Variants in SLC6A6 observed in about 807,000 individuals in gnomAD.
SLC6A6 encodes the protein solute carrier family 6 member 6.
Under a neutral mutation model 68.8 loss-of-function variants are expected in SLC6A6, and 16 were observed. The observed-to-expected ratio is 0.23, with a 90% CI of 0.16 to 0.35. The LOEUF (loss-of-function observed/expected upper bound fraction) is 0.35, where lower values mean the gene tolerates loss of function less well. Among genes scored for constraint, SLC6A6 ranks in the 10% least tolerant of loss-of-function variants. The pLI is 1.00. For synonymous variants in SLC6A6, 312 were observed against 315.4 expected, an observed-to-expected ratio of 0.99 and a Z score of 0.12; for missense variants, 474 against 802.8, an observed-to-expected ratio of 0.59 and a Z score of 4.95.
chr3:14,441,495 C>A (rs1038106150), intron 2 of SLC6A6, among the ~76,000 whole-genome samples: 19 of 152,148 alleles, frequency 1.2e-4, no homozygotes, highest in African/African-American at 4.1e-4. Flanking sequence ...AGGAAGGGCT[C>A]CATGAGCTGC....
chr3:14,423,643 A>G (rs1699530843), intron 2 of SLC6A6, among the ~76,000 whole-genome samples: 3 of 152,144 alleles, frequency 2.0e-5, no homozygotes, highest in South Asian at 4.1e-4. Flanking sequence ...TCAAGAGAAT[A>G]GTATTTGGTG....
At chr3:14,453,767 G>T (rs1199013464) in intron 5 of SLC6A6, among the ~76,000 whole-genome samples, 1 of 152,240 alleles carries the variant, frequency 6.6e-6, no homozygotes, top group Non-Finnish European at 1.5e-5. Flanking sequence ...TTTACAGAGG[G>T]TGGCCAGGAA....
intron 1 of SLC6A6, among the ~76,000 whole-genome samples, chr3:14,412,084 C>G (rs1699263715): frequency 6.6e-6 from 1 of 152,200 alleles, no homozygotes. Flanking sequence ...AAGGGAAATA[C>G]CTTCTGAATA....
chr3:14,484,531 G>C (rs904970588), intron 14 of SLC6A6, among the ~76,000 whole-genome samples: 2 of 152,198 alleles, frequency 1.3e-5, no homozygotes, highest in Non-Finnish European at 2.9e-5. Flanking sequence ...ATCAGAGGGA[G>C]AGAATCACAG....
chr3:14,467,265 C>T (rs1189726738), intron 7 of SLC6A6, among the ~76,000 whole-genome samples: 1 of 152,188 alleles, frequency 6.6e-6, no homozygotes, highest in Non-Finnish European at 1.5e-5. Flanking sequence ...CTGGACAGGA[C>T]ACAGTTGTGA....
intron 4 of SLC6A6, among the ~76,000 whole-genome samples, chr3:14,447,207 C>G (rs1299318510): frequency 6.6e-6 from 1 of 150,672 alleles, no homozygotes; most frequent in Non-Finnish European, 1.5e-5. Context: ...ATCTATTTAT[C>G]TCATCTATTC....
chr3:14,479,360 G>C (rs777948367), intron 13 of SLC6A6, among the ~76,000 whole-genome samples, 175 bp downstream of exon 13: 3 of 152,352 alleles, frequency 2.0e-5, no homozygotes, highest in Non-Finnish European at 4.4e-5. Context: ...AGCTTGAGTT[G>C]AGTTTTGAAG....
Position 14,481,858 on chromosome 3 carries a change from A to G in SLC6A6, c.1722+17A>G. On this transcript the variant is annotated intron_variant, in intron 14 of 14. Coordinates refer to ENST00000622186, the MANE Select transcript of SLC6A6 (RefSeq NM_003043.6). This position sits in a 1 kb window ranked among gnomAD's most constrained non-coding sequence, Gnocchi z 4.7. ...TTCCTTGTGGTAAGTGCTTGGGCCC[A>G]GGGCCAGGGGAGGTGGGAGGCGCGA... 2 of 1,611,098 alleles carry G rather than the reference A, an allele frequency of 1.2e-6. No homozygotes were observed. Among genetic ancestry groups the G allele is most frequent in the East Asian group, 2.2e-5 (1 of 44,802 alleles).
intron 2 of SLC6A6, among the ~76,000 whole-genome samples, chr3:14,426,380 G>T (rs73132920): frequency 0.016 from 2,493 of 152,236 alleles, 57 homozygotes; most frequent in African/African-American, 0.056. Context: ...AAAATACTGC[G>T]TCCACCTGCT....
At chr3:14,408,318 GAC>G (rs905060583) in intron 1 of SLC6A6, among the ~76,000 whole-genome samples, 4 of 151,816 alleles carry the variant, frequency 2.6e-5, no homozygotes, top group Non-Finnish European at 5.9e-5. Flanking sequence ...CTGCCTGATT[GAC>G]AGTCTATCAT....
intron 5 of SLC6A6, among the ~76,000 whole-genome samples, chr3:14,452,220 C>G (rs1438668745): frequency 1.3e-5 from 2 of 152,198 alleles, no homozygotes; most frequent in Non-Finnish European, 2.9e-5. Context: ...CAAAGCTCAA[C>G]TCTGGCTCCC....
Position 14,468,494 on chromosome 3 carries a change from C to CCGTCCTT in SLC6A6, c.1096+284_1096+290dup, listed in dbSNP as rs1308236843. Among the ~76,000 whole-genome samples the CCGTCCTT allele has an allele frequency of 6.6e-6, 1 of 152,118 alleles. No individual in the cohort carries two copies. The highest frequency in any genetic ancestry group is 1.5e-5 in the Non-Finnish European group (1 of 68,016). ...CCTTAGTGTGGTCTTCCCCGCCCCC[C>CCGTCCTT]CGTCCTTCCCCAGCAAACTCCTGGT... On this transcript the variant is annotated intron_variant, in intron 9 of 14. Coordinates refer to ENST00000622186, the MANE Select transcript of SLC6A6 (RefSeq NM_003043.6). The surrounding 1 kb of genome is among the most constrained non-coding windows in gnomAD (Gnocchi z 4.5).
intron 7 of SLC6A6, among the ~76,000 whole-genome samples, chr3:14,467,229 G>A (rs1174540141): frequency 6.6e-6 from 1 of 152,200 alleles, no homozygotes; most frequent in Non-Finnish European, 1.5e-5. Flanking sequence ...AAGGGCCTGT[G>A]CTCTCCTTCC....
chr3:14,406,874 G>C (rs1187816960), intron 1 of SLC6A6, among the ~76,000 whole-genome samples: 1 of 152,228 alleles, frequency 6.6e-6, no homozygotes, highest in East Asian at 1.9e-4. Context: ...AAAGAGTGGG[G>C]AGGGAATGAT....
chr3:14,441,888 G>A (rs568869870), intron 2 of SLC6A6, among the ~76,000 whole-genome samples: 27 of 152,388 alleles, frequency 1.8e-4, no homozygotes, highest in African/African-American at 5.8e-4. Context: ...CAGGCATGGC[G>A]CCTGGCTCTG....
rs552125882 is a variant in SLC6A6 at position 14,442,380 on chromosome 3, G to A, written c.-11-1244G>A. Among the ~76,000 whole-genome samples the A allele has an allele frequency of 1.8e-3, 274 of 152,320 alleles. 16 individuals are homozygous for A. The South Asian group carries it at 0.054, about 30-fold the overall frequency. On this transcript the variant is annotated intron_variant, in intron 2 of 14. Transcript: ENST00000622186. The stretch of plus-strand genomic sequence containing the variant: ...GGGAAACTGATGCTCAGAGAGGGGC[G>A]AGTAGGCCTAGTAGCTCTGGTTTTC...
chr3:14,409,293 G>T (rs1020626319), intron 1 of SLC6A6, among the ~76,000 whole-genome samples: 3 of 152,216 alleles, frequency 2.0e-5, no homozygotes, highest in Admixed American at 6.5e-5. Context: ...CCCCAGTGCT[G>T]CCAGCTCAGT....
At chr3:14,417,447 C>T (rs1415368435) in intron 2 of SLC6A6, among the ~76,000 whole-genome samples, 1 of 151,692 alleles carries the variant, frequency 6.6e-6, no homozygotes, top group African/African-American at 2.4e-5. Flanking sequence ...AAGAGCAAGG[C>T]CAGGCCGGGC....
rs185120430 is a variant in SLC6A6, at chr3:14,481,928, G to C, written c.1722+87G>C. The C allele has an allele frequency of 8.9e-7, 1 of 1,119,428 alleles. No homozygotes were observed. Among genetic ancestry groups the C allele is most frequent in the East Asian group, 2.5e-5 (1 of 40,484 alleles). The allele number at this position is 1,119,428 out of a possible 1,614,324, so 69.3% of individuals were successfully genotyped here. ...CAGTTTGCTGCGTGATCTCAGGCAA[G>C]TCACCTGCCCTCTCTGAGCCATAGT... On this transcript the variant is annotated intron_variant, in intron 14 of 14. Transcript: ENST00000622186. This position sits in a 1 kb window ranked among gnomAD's most constrained non-coding sequence, Gnocchi z 4.7.
Sources: gnomAD v4.1 joint callset for allele counts (sites outside exome capture counted in the v4.1 genomes callset) on GRCh38, gnomAD v4.1.1 for gene constraint, Gnocchi (gnomAD v3.1) non-coding constraint, MANE v1.5 for transcripts, NCBI Gene and HGNC (gene_info 2026-07-23, HGNC 2026-07-21) for gene names.